The following FBXO31 variants were observed in gnomAD, a reference collection of about 807,000 sequenced individuals.
FBXO31 encodes the protein F-box protein 31, also known as F-box only protein 31.
FBXO31 carries 24 observed loss-of-function variants against 54.4 expected under a neutral mutation model. The ratio of observed to expected loss-of-function variants is 0.44; its 90% CI spans 0.32 to 0.62. The LOEUF (loss-of-function observed/expected upper bound fraction) is 0.62, where lower values mean the gene tolerates loss of function less well. FBXO31 is among the 20% of genes least tolerant of loss of function. The pLI, the probability that FBXO31 is intolerant of heterozygous loss-of-function variation, is 0.05. For missense variants in FBXO31, 665 were observed against 787.1 expected (o/e 0.84, Z 1.86); for synonymous variants, 388 against 335.6 (o/e 1.16, Z -1.71).
upstream of FBXO31, among the ~76,000 whole-genome samples, chr16:87,387,851 A>G (rs927922629): frequency 7.2e-5 from 11 of 152,200 alleles, no homozygotes; most frequent in Admixed American, 3.3e-4. Context: ...CTGTATCCCA[A>G]TGAGTTCTCA....
chr16:87,364,533 G>A (rs553809586), intron 1 of FBXO31, among the ~76,000 whole-genome samples: 6 of 152,246 alleles, frequency 3.9e-5, no homozygotes, highest in African/African-American at 1.4e-4. Context: ...GCCAAATACC[G>A]AGATCAACTA....
chr16:87,385,249 G>C (rs539244125), upstream of FBXO31, among the ~76,000 whole-genome samples: 2 of 152,336 alleles, frequency 1.3e-5, no homozygotes, highest in African/African-American at 4.8e-5. Flanking sequence ...ATGAGGTCAG[G>C]AGATTGAGAC....
chr16:87,336,598 G>C lies in FBXO31; in HGVS notation c.733-334C>G, dbSNP rs960564741. 6.6e-6 allele frequency among the ~76,000 whole-genome samples: 1 copy of C among 151,682 alleles called. No homozygotes were observed. The highest frequency in any genetic ancestry group is 3.4e-3 in the Middle Eastern group (1 of 292). ...GGTGGGCCTCCCTTCCATGCCCACC[G>C]GTGGGGCAGGAACAGCATCTACACA... On this transcript the variant is annotated intron_variant, in intron 5 of 8. Coordinates refer to ENST00000311635, the MANE Select transcript of FBXO31 (RefSeq NM_024735.5). The surrounding 1 kb of genome is among the most constrained non-coding windows in gnomAD (Gnocchi z 6.5).
chr16:87,390,662 G>A (rs1006815185), upstream of FBXO31, among the ~76,000 whole-genome samples: 4 of 151,972 alleles, frequency 2.6e-5, no homozygotes, highest in African/African-American at 9.7e-5. Flanking sequence ...GGCTGGTCTC[G>A]AACTCTTGAC....
At chr16:87,384,001 G>A (rs1223547416), upstream of FBXO31, 2 of 220,460 alleles carry the variant, frequency 9.1e-6, no homozygotes, top group Non-Finnish European at 1.8e-5. Context: ...AAGTGGTGAT[G>A]CCGAGTGCAA....
At chr16:87,374,208 C>G (rs28542076) in intron 1 of FBXO31, among the ~76,000 whole-genome samples, 3,834 of 151,524 alleles carry the variant, frequency 0.025, 165 homozygotes, top group African/African-American at 0.089. Context: ...CGCCACTACA[C>G]TCCAACCTGA....
intron 1 of FBXO31, among the ~76,000 whole-genome samples, chr16:87,377,637 G>T (rs989240795): frequency 6.6e-6 from 1 of 151,962 alleles, no homozygotes; most frequent in Non-Finnish European, 1.5e-5. Context: ...ACCAGCGGGG[G>T]CAACACAGTG....
chr16:87,353,092 C>T (rs888207142), intron 2 of FBXO31, among the ~76,000 whole-genome samples: 1 of 152,196 alleles, frequency 6.6e-6, no homozygotes, highest in African/African-American at 2.4e-5. Context: ...TCAGCCGAGG[C>T]GTGGCCAGGG....
intron 1 of FBXO31, among the ~76,000 whole-genome samples, chr16:87,372,335 G>A (rs995143817): frequency 6.6e-6 from 1 of 152,094 alleles, no homozygotes; most frequent in Non-Finnish European, 1.5e-5. Flanking sequence ...AAAATATAGA[G>A]AACTGCCCTC....
At position 87,334,202 on chromosome 16, in the gene FBXO31, G is replaced by A. The variant is rs146458278; in HGVS notation, c.1081C>T (p.Arg361Cys). 191 of 1,612,412 alleles carry A rather than the reference G, an allele frequency of 1.2e-4. No homozygotes were observed. The highest frequency in any genetic ancestry group is 4.5e-4 in the Admixed American group (27 of 59,940). ...RIQLPDLENQRNFNELSRIVL... is the reference protein window; with the variant it reads ...RIQLPDLENQCNFNELSRIVL... ...ATGCGGGAGAGCTCATTGAAGTTGC[G>A]CTGGTTCTCGAGGTCGGGCAGCTGG... Residue 361 changes from arginine (R) to cysteine (C), a missense_variant, in exon 8 of 9, where the codon CGC (arginine) becomes TGC (cysteine). Coordinates refer to ENST00000311635, the MANE Select transcript of FBXO31 (RefSeq NM_024735.5).
upstream of FBXO31, among the ~76,000 whole-genome samples, chr16:87,390,380 A>G (rs891324830): frequency 6.6e-6 from 1 of 152,244 alleles, no homozygotes; most frequent in Non-Finnish European, 1.5e-5. Context: ...AGGATCTATG[A>G]CAGTAGTTGG....
upstream of FBXO31, among the ~76,000 whole-genome samples, chr16:87,388,397 G>A (rs1567494704): frequency 6.6e-6 from 1 of 152,226 alleles, no homozygotes; most frequent in Non-Finnish European, 1.5e-5. Context: ...AGCAATACTT[G>A]TTTGTTTACT....
intron 5 of FBXO31, among the ~76,000 whole-genome samples, chr16:87,339,618 G>C (rs1168556007): frequency 1.3e-5 from 2 of 152,228 alleles, no homozygotes; most frequent in African/African-American, 4.8e-5. Context: ...CCCGGAGGGG[G>C]AGCTCAGAAG....
chr16:87,383,831 A>G, upstream of FBXO31: 1 of 972,726 alleles, frequency 1.0e-6, no homozygotes, highest in Non-Finnish European at 1.3e-6. The surrounding 1 kb of genome is among the most constrained non-coding windows in gnomAD (Gnocchi z 4.9). Flanking sequence ...CCCCCGCCGC[A>G]GAGCTCGCCA....
intron 1 of FBXO31, among the ~76,000 whole-genome samples, chr16:87,380,141 T>C (rs1249326954): frequency 1.3e-5 from 2 of 150,836 alleles, no homozygotes; most frequent in Admixed American, 1.3e-4. Flanking sequence ...CTACTAAAAA[T>C]ACAAAAATTA....
Position 87,335,385 on chromosome 16 carries a change from G to A in FBXO31, c.915C>T (p.Phe305=). The part of the protein sequence containing the change: ...RPDDLIKPGL[F]KGTYGSHGLE... Reference sequence around the variant, plus strand: ...GGCCGTGGCTGCCATAGGTACCTTTGAAGAGGCCAGGCTTGATGAGGTCGT... The same window carrying A: ...GGCCGTGGCTGCCATAGGTACCTTTAAAGAGGCCAGGCTTGATGAGGTCGT... Residue 305 remains phenylalanine (F), a synonymous_variant, in exon 7 of 9, where the codon TTC becomes TTT. Transcript: ENST00000311635. The surrounding 1 kb of genome is among the most constrained non-coding windows in gnomAD (Gnocchi z 5.7). 6.2e-7 allele frequency: 1 copy of A among 1,614,012 alleles called. No homozygotes were observed. The highest frequency in any genetic ancestry group is 8.5e-7 in the Non-Finnish European group (1 of 1,179,996).
In FBXO31 at chr16:87,328,241, G is replaced by C. The variant is rs547369923; in HGVS notation, c.*3047C>G. 33 of 152,422 alleles carry C rather than the reference G, an allele frequency of 2.2e-4. No homozygotes were observed. Among genetic ancestry groups the C allele is most frequent in the African/African-American group, 7.7e-4 (32 of 41,570 alleles). The allele number at this position is 152,422 out of a possible 1,614,324, so 9.4% of individuals were successfully genotyped here. A position where few individuals can be genotyped will look rare whatever the true frequency, so the allele number is the denominator to read the frequency against. ...GCAGGTTCTCAGAGAAAAATCTCCA[G>C]CTCAGACCCGGTTCTGCACAAAGCT... On this transcript the variant is annotated 3_prime_UTR_variant, in exon 9 of 9. Coordinates refer to ENST00000311635, the MANE Select transcript of FBXO31 (RefSeq NM_024735.5).
upstream of FBXO31, among the ~76,000 whole-genome samples, chr16:87,384,861 AAAAC>A (rs1354765130): frequency 6.6e-6 from 1 of 152,214 alleles, no homozygotes; most frequent in African/African-American, 2.4e-5. Flanking sequence ...CCCTGTCTCC[AAAAC>A]AAACAAAAAA....
intron 1 of FBXO31, 50 bp from the exon 2 acceptor site, chr16:87,360,416 G>A (rs749777780): frequency 8.4e-6 from 13 of 1,543,676 alleles, no homozygotes; most frequent in Middle Eastern, 1.7e-4. Flanking sequence ...CTCATAACGC[G>A]ACAGACGTGG....
Sources: gnomAD v4.1 joint callset for allele counts (sites outside exome capture counted in the v4.1 genomes callset) on GRCh38, gnomAD v4.1.1 for gene constraint, Gnocchi (gnomAD v3.1) non-coding constraint, MANE v1.5 for transcripts, NCBI Gene and HGNC (gene_info 2026-07-23, HGNC 2026-07-21) for gene names.